Variants in AGBL1 observed in about 807,000 individuals in gnomAD.
The protein encoded by AGBL1 is cytosolic carboxypeptidase 4.
A neutral mutation model predicts 118.9 loss-of-function variants in AGBL1; 130 were observed. The observed-to-expected ratio is 1.09, with a 90% CI of 0.95 to 1.26. The LOEUF (loss-of-function observed/expected upper bound fraction) is 1.26, where lower values mean the gene tolerates loss of function less well. Among genes scored for constraint, AGBL1 ranks in the 50% most tolerant of loss-of-function variants. The pLI, the probability that AGBL1 is intolerant of heterozygous loss-of-function variation, is 0.00. For synonymous variants in AGBL1, 555 were observed against 478.9 expected (o/e 1.16, Z -2.08); for missense variants, 1,584 against 1,298.1 (o/e 1.22, Z -3.38).
chr15:86,212,607 G>T (rs1261310328), intron 5 of AGBL1, among the ~76,000 whole-genome samples: 1 of 152,170 alleles, frequency 6.6e-6, no homozygotes, highest in Non-Finnish European at 1.5e-5. Flanking sequence ...GAACTTCATT[G>T]GTACTAAATC....
intron 18 of AGBL1, among the ~76,000 whole-genome samples, chr15:86,423,917 T>G (rs2081829524): frequency 6.6e-6 from 1 of 152,204 alleles, no homozygotes; most frequent in South Asian, 2.1e-4. Context: ...TCCATGTTCA[T>G]GGATAGAAAG....
chr15:86,293,993 C>G (rs1021534577), intron 16 of AGBL1, among the ~76,000 whole-genome samples: 4 of 152,118 alleles, frequency 2.6e-5, no homozygotes, highest in Non-Finnish European at 5.9e-5. Flanking sequence ...TCTCTGGTTA[C>G]TGAAATTTCC....
At chr15:86,680,228 T>G (rs1163104112) in intron 22 of AGBL1, among the ~76,000 whole-genome samples, 2 of 152,212 alleles carry the variant, frequency 1.3e-5, no homozygotes, top group Non-Finnish European at 2.9e-5. Context: ...ATTGCTCATC[T>G]CTACCCATTG....
At chr15:86,532,737 A>G (rs1406584348) in intron 19 of AGBL1, among the ~76,000 whole-genome samples, 1 of 151,290 alleles carries the variant, frequency 6.6e-6, no homozygotes, top group Non-Finnish European at 1.5e-5. Context: ...TAACCAAAAG[A>G]GCATGGTACT....
At chr15:86,518,388 C>G (rs561342101) in intron 18 of AGBL1, among the ~76,000 whole-genome samples, 11 of 152,156 alleles carry the variant, frequency 7.2e-5, no homozygotes, top group East Asian at 3.9e-4. Flanking sequence ...GACTGTCCAG[C>G]CTTTAAGGTT....
At chr15:86,494,433 T>C (rs1209076375) in intron 18 of AGBL1, among the ~76,000 whole-genome samples, 3 of 152,088 alleles carry the variant, frequency 2.0e-5, no homozygotes, top group Non-Finnish European at 2.9e-5. Context: ...AAGTTGACTA[T>C]GGAGTATCAT....
chr15:86,946,854 A>AC (rs1567253539), intron 23 of AGBL1, among the ~76,000 whole-genome samples: 2 of 151,522 alleles, frequency 1.3e-5, no homozygotes, highest in East Asian at 3.9e-4. Flanking sequence ...AAAAAAAAAA[A>AC]AAAAAAACAA....
chr15:86,606,095 C>T (rs532768791), intron 21 of AGBL1, among the ~76,000 whole-genome samples: 2 of 133,798 alleles, frequency 1.5e-5, no homozygotes, highest in South Asian at 4.9e-4. Flanking sequence ...CCACTGCACT[C>T]CAGCATGGGT....
At chr15:86,746,858 G>A (rs1402635480) in intron 22 of AGBL1, among the ~76,000 whole-genome samples, 1 of 152,062 alleles carries the variant, frequency 6.6e-6, no homozygotes, top group East Asian at 1.9e-4. Context: ...TATAAATTCT[G>A]ATAAATATTC....
chr15:86,806,695 G>T (rs1425101124), intron 22 of AGBL1, among the ~76,000 whole-genome samples: 2 of 151,818 alleles, frequency 1.3e-5, no homozygotes, highest in Non-Finnish European at 2.9e-5. Context: ...ATTAATTTAT[G>T]TATAAAAGCA....
intron 22 of AGBL1, among the ~76,000 whole-genome samples, chr15:86,871,788 C>T (rs1238495530): frequency 3.3e-5 from 5 of 152,134 alleles, no homozygotes; most frequent in African/African-American, 1.2e-4. Flanking sequence ...CCAAGAACTC[C>T]GGAGACCTAC....
chr15:86,743,269 A>G (rs2077705797), intron 22 of AGBL1, among the ~76,000 whole-genome samples: 2 of 152,106 alleles, frequency 1.3e-5, no homozygotes, highest in South Asian at 4.2e-4. Context: ...TTGACCCAAC[A>G]TTTGTTATAA....
intron 18 of AGBL1, among the ~76,000 whole-genome samples, chr15:86,446,752 T>A (rs2142062929): frequency 6.6e-6 from 1 of 152,316 alleles, no homozygotes; most frequent in African/African-American, 2.4e-5. Flanking sequence ...GAATCAGACA[T>A]CCCTGCAGCT....
intron 17 of AGBL1, among the ~76,000 whole-genome samples, chr15:86,329,608 C>T (rs976194950): frequency 3.3e-5 from 5 of 151,274 alleles, no homozygotes; most frequent in Admixed American, 2.0e-4. Flanking sequence ...CAGCCTGAGC[C>T]GCCTCACTAT....
At chr15:86,395,683 G>A (rs1336240615) in intron 17 of AGBL1, among the ~76,000 whole-genome samples, 4 of 125,212 alleles carry the variant, frequency 3.2e-5, no homozygotes, top group Middle Eastern at 4.0e-3. Flanking sequence ...TGTTTTCACC[G>A]TAGTCAGTAA....
At chr15:86,562,567 G>T (rs1055148226) in intron 21 of AGBL1, among the ~76,000 whole-genome samples, 23 of 152,246 alleles carry the variant, frequency 1.5e-4, no homozygotes, top group African/African-American at 5.1e-4. Context: ...GAGGATTTTT[G>T]CATCAATGTT....
intron 19 of AGBL1, among the ~76,000 whole-genome samples, chr15:86,531,763 TGA>T (rs1403633232): frequency 2.0e-5 from 2 of 101,770 alleles, no homozygotes; most frequent in African/African-American, 4.3e-5. Flanking sequence ...TTATCCACCA[TGA>T]TCAAGTGGGC....
At position 86,825,057 on chromosome 15, in the gene AGBL1, A is replaced by T. The variant is rs537233706; in HGVS notation, c.3159-82030A>T. ...AGGTGACAGAGTGAGACTCTGTCTC[A>T]AAACAAAAACAAACAAACAAAACAA... On this transcript the variant is annotated intron_variant, in intron 22 of 22. Transcript: ENST00000614907. 5.3e-4 allele frequency among the ~76,000 whole-genome samples: 80 copies of T among 152,174 alleles called. 2 individuals carry two copies. The South Asian group carries it at 0.013, about 24-fold the overall frequency.
At chr15:86,505,640 G>A (rs1211545304) in intron 18 of AGBL1, among the ~76,000 whole-genome samples, 1 of 151,814 alleles carries the variant, frequency 6.6e-6, no homozygotes, top group Non-Finnish European at 1.5e-5. Context: ...TTTAATGATA[G>A]TTTCTATTTG....
Sources: allele counts gnomAD v4.1 joint callset (sites outside exome capture counted in the v4.1 genomes callset), GRCh38; gene constraint gnomAD v4.1.1; transcripts MANE v1.5; gene names NCBI Gene and HGNC (gene_info 2026-07-23, HGNC 2026-07-21).